Variants in PCDH15 observed in about 807,000 individuals in gnomAD.
PCDH15 encodes protocadherin related 15.
Under a neutral mutation model 178.5 loss-of-function variants are expected in PCDH15, and 129 were observed. The ratio of observed to expected loss-of-function variants is 0.72; its 90% CI spans 0.63 to 0.84. The LOEUF (loss-of-function observed/expected upper bound fraction) is 0.84. Among genes scored for constraint, PCDH15 ranks in the 40% least tolerant of loss-of-function variants. The pLI, the probability that PCDH15 is intolerant of heterozygous loss-of-function variation, is 0.00. For synonymous variants in PCDH15, 800 were observed against 732.0 expected, an observed-to-expected ratio of 1.09 and a Z score of -1.50; for missense variants, 2,230 against 2,099.9, an observed-to-expected ratio of 1.06 and a Z score of -1.21.
chr10:55,001,419 A>G (rs1839791966), intron 2 of PCDH15, among the ~76,000 whole-genome samples: 1 of 152,142 alleles, frequency 6.6e-6, no homozygotes, highest in Non-Finnish European at 1.5e-5. Context: ...AGGAGCAAAC[A>G]GCTGAGGCCC....
intron 2 of PCDH15, among the ~76,000 whole-genome samples, chr10:55,118,823 T>G (rs1290510848): frequency 4.6e-5 from 7 of 152,222 alleles, no homozygotes; most frequent in Non-Finnish European, 1.0e-4. Flanking sequence ...GCTGGTTCAG[T>G]GGACTTAGAC....
At chr10:55,082,274 A>G (rs1262530408) in intron 2 of PCDH15, among the ~76,000 whole-genome samples, 2 of 152,104 alleles carry the variant, frequency 1.3e-5, no homozygotes, top group African/African-American at 4.8e-5. Context: ...TAAACTTTGG[A>G]AACTACAACA....
intron 9 of PCDH15, among the ~76,000 whole-genome samples, chr10:54,221,104 A>G (rs2052757757): frequency 2.6e-5 from 4 of 152,092 alleles, no homozygotes; most frequent in Admixed American, 2.6e-4. Flanking sequence ...CTTTAGAAAC[A>G]GCTTTGATTG....
At chr10:54,102,169 T>G (rs947878748) in intron 15 of PCDH15, among the ~76,000 whole-genome samples, 2 of 152,192 alleles carry the variant, frequency 1.3e-5, no homozygotes, top group African/African-American at 4.8e-5. Flanking sequence ...CAAAAACCTA[T>G]TCAGCACAGC....
chr10:54,049,646 A>C (rs1478477413), intron 18 of PCDH15, among the ~76,000 whole-genome samples: 3 of 148,166 alleles, frequency 2.0e-5, no homozygotes, highest in Non-Finnish European at 4.4e-5. Flanking sequence ...TTTGAGACGG[A>C]GTCTCGCTCT....
intron 2 of PCDH15, among the ~76,000 whole-genome samples, chr10:54,898,246 A>G (rs1033018262): frequency 1.3e-5 from 2 of 152,214 alleles, no homozygotes; most frequent in Non-Finnish European, 2.9e-5. Flanking sequence ...CAATGCAAGA[A>G]CAACCTAACA....
intron 3 of PCDH15, among the ~76,000 whole-genome samples, chr10:54,471,389 G>A (rs958330810): frequency 3.3e-5 from 5 of 152,012 alleles, no homozygotes; most frequent in Admixed American, 2.6e-4. Flanking sequence ...TTCTAAAAAC[G>A]CTTCTCAGGC....
At chr10:54,650,570 G>C (rs905349462) in intron 2 of PCDH15, among the ~76,000 whole-genome samples, 1 of 152,042 alleles carries the variant, frequency 6.6e-6, no homozygotes, top group Non-Finnish European at 1.5e-5. Flanking sequence ...TTCTTGAGTG[G>C]TGTATTAGTC....
intron 19 of PCDH15, 75 bp from the exon 20 acceptor site, chr10:54,020,491 C>G: frequency 7.3e-7 from 1 of 1,369,954 alleles, no homozygotes; most frequent in Non-Finnish European, 1.0e-6. Context: ...GGAAGTCATG[C>G]GTTAGTGCCT....
At chr10:54,058,184 G>A (rs2093938519) in intron 18 of PCDH15, among the ~76,000 whole-genome samples, 1 of 152,108 alleles carries the variant, frequency 6.6e-6, no homozygotes, top group Non-Finnish European at 1.5e-5. Context: ...CTGTTACCCA[G>A]TTCCAAAGTT....
intron 8 of PCDH15, among the ~76,000 whole-genome samples, chr10:54,249,547 G>A (rs2056293807): frequency 6.6e-6 from 1 of 151,918 alleles, no homozygotes; most frequent in South Asian, 2.1e-4. Context: ...TATTTCCATG[G>A]CATATGTGAA....
At chr10:54,571,252 C>A (rs2089788836) in intron 2 of PCDH15, among the ~76,000 whole-genome samples, 1 of 147,308 alleles carries the variant, frequency 6.8e-6, no homozygotes, top group African/African-American at 2.5e-5. Context: ...CTTAAAAGAG[C>A]AGAGATCTTG....
chr10:55,346,923 G>A (rs1490560514), intron 2 of PCDH15, among the ~76,000 whole-genome samples: 4 of 151,882 alleles, frequency 2.6e-5, no homozygotes, highest in African/African-American at 4.8e-5. Context: ...AGGGTAAAAA[G>A]ATTAAAGTGA....
At chr10:54,640,915 C>A (rs1012040747) in intron 2 of PCDH15, among the ~76,000 whole-genome samples, 1 of 151,942 alleles carries the variant, frequency 6.6e-6, no homozygotes, top group Non-Finnish European at 1.5e-5. Context: ...ACCAGCCTGG[C>A]TGACATGGTG....
intron 26 of PCDH15, among the ~76,000 whole-genome samples, chr10:53,870,259 C>G (rs2079741034): frequency 6.6e-6 from 1 of 152,032 alleles, no homozygotes; most frequent in South Asian, 2.1e-4. Context: ...TCACTTAATG[C>G]AAAAGTTTGG....
rs903990381 is a variant in PCDH15, at chr10:54,986,114, A to AT, written c.-79-88615dup. Among the ~76,000 whole-genome samples the AT allele has an allele frequency of 1.6e-4, 24 of 149,904 alleles. No individual in the cohort carries two copies. The East Asian group carries it at 2.5e-3, about 16-fold the overall frequency. On this transcript the variant is annotated intron_variant, in intron 2 of 5. Coordinates refer to the PCDH15 transcript ENST00000458638. Reference sequence around the variant, plus strand: ...CTTATGCTCAAATGCAATGCCCTGTATTTTTTTTTTAAATGAAGTGCAATC... The same window carrying AT: ...CTTATGCTCAAATGCAATGCCCTGTATTTTTTTTTTTAAATGAAGTGCAATC...
chr10:54,657,114 G>T (rs2094419807), intron 2 of PCDH15, among the ~76,000 whole-genome samples: 1 of 152,216 alleles, frequency 6.6e-6, no homozygotes, highest in East Asian at 1.9e-4. Context: ...AAGAGGATTT[G>T]CCCTGAGCCC....
In PCDH15 at chr10:55,302,117, A is replaced by G. The variant is rs368270677; in HGVS notation, c.-156+17482T>C. ...ATATTATTGTCTAAAATTTGATAGG[A>G]ATTTTATCAAACCTGTATCTCAAAT... On this transcript the variant is annotated intron_variant, in intron 1 of 5. Transcript: ENST00000458638. Among the ~76,000 whole-genome samples the G allele has an allele frequency of 4.3e-4, 66 of 152,250 alleles. 1 individual carries two copies. The South Asian group carries it at 0.014, about 32-fold the overall frequency.
chr10:54,238,076 C>G (rs1330128218), intron 8 of PCDH15, among the ~76,000 whole-genome samples: 2 of 152,060 alleles, frequency 1.3e-5, no homozygotes, highest in African/African-American at 4.8e-5. Flanking sequence ...TGAAATACTT[C>G]TAAAGGGTAA....
Sources: gnomAD v4.1 joint callset for allele counts (sites outside exome capture counted in the v4.1 genomes callset) on GRCh38, gnomAD v4.1.1 for gene constraint, MANE v1.5 for transcripts, NCBI Gene and HGNC (gene_info 2026-07-23, HGNC 2026-07-21) for gene names.